GLIPR1L2: variants seen among roughly 807,000 people sequenced by gnomAD.
GLIPR1L2 encodes the protein GLIPR1-like protein 2.
GLIPR1L2 carries 21 observed loss-of-function variants against 28.4 expected under a neutral mutation model. That is an observed-to-expected ratio of 0.74 (90% CI 0.52 to 1.06). The LOEUF is 1.06. Among genes scored for constraint, GLIPR1L2 ranks in the 50% least tolerant of loss-of-function variants. The pLI, the probability that GLIPR1L2 is intolerant of heterozygous loss-of-function variation, is 0.00. For synonymous variants in GLIPR1L2, 145 were observed against 139.3 expected, an observed-to-expected ratio of 1.04 and a Z score of -0.29; for missense variants, 476 against 416.9, an observed-to-expected ratio of 1.14 and a Z score of -1.23.
chr12:75,410,714 C>T, intron 2 of GLIPR1L2, 35 bp downstream of exon 2: 2 of 1,440,324 alleles, frequency 1.4e-6, no homozygotes, highest in Non-Finnish European at 1.9e-6. Flanking sequence ...AATTCAAACA[C>T]TTCTTAATTG....
chr12:75,427,803 C>T (rs968498415), intron 4 of GLIPR1L2, among the ~76,000 whole-genome samples: 5 of 152,094 alleles, frequency 3.3e-5, no homozygotes, highest in African/African-American at 1.2e-4. Flanking sequence ...TTGGCAGTTG[C>T]CCCCTGCCTC....
intron 4 of GLIPR1L2, chr12:75,423,888 G>A (rs2046006177): frequency 6.6e-6 from 1 of 152,226 alleles, no homozygotes; most frequent in African/African-American, 2.4e-5. Context: ...CCCTGAAAAG[G>A]AAATGAACTC....
intron 4 of GLIPR1L2, among the ~76,000 whole-genome samples, chr12:75,427,043 AT>A (rs947318544): frequency 3.9e-5 from 6 of 152,226 alleles, no homozygotes; most frequent in African/African-American, 7.2e-5. Context: ...ACAAAAAAAA[AT>A]ACAAGAAATA....
intron 4 of GLIPR1L2, among the ~76,000 whole-genome samples, chr12:75,425,893 G>A (rs1298967416): frequency 6.6e-6 from 1 of 152,064 alleles, no homozygotes; most frequent in African/African-American, 2.4e-5. Context: ...TCTTATGGTG[G>A]TGAATTGGAA....
Position 75,429,155 on chromosome 12 carries a change from T to A in GLIPR1L2, c.671-1560T>A, listed in dbSNP as rs537289730. ...ACTATGTGCCTGGAAAAGCCACAGG[T>A]ACTCAATGCCAGCCTGTGAAAGCAG... On this transcript the variant is annotated intron_variant, in intron 4 of 5. Coordinates refer to ENST00000550916, the MANE Select transcript of GLIPR1L2 (RefSeq NM_001270396.2). Among the ~76,000 whole-genome samples, 3 of 152,298 alleles carry A rather than the reference T, an allele frequency of 2.0e-5. No homozygotes were observed. The East Asian group carries it at 5.8e-4, about 29-fold the overall frequency.
At chr12:75,414,236 G>A (rs141285877) in intron 3 of GLIPR1L2, among the ~76,000 whole-genome samples, 99 of 152,102 alleles carry the variant, frequency 6.5e-4, no homozygotes, top group African/African-American at 2.3e-3. Flanking sequence ...ATACCTGGGT[G>A]CCTTCAAATG....
intron 2 of GLIPR1L2, among the ~76,000 whole-genome samples, chr12:75,411,114 A>G (rs1017878410): frequency 6.6e-6 from 1 of 151,906 alleles, no homozygotes; most frequent in Non-Finnish European, 1.5e-5. Flanking sequence ...CTCTGGTTCA[A>G]TAATCCACCC....
At position 75,414,412 on chromosome 12, in the gene GLIPR1L2, C is replaced by T. The variant is rs367867079; in HGVS notation, c.584+711C>T. Among the ~76,000 whole-genome samples the T allele has an allele frequency of 2.4e-4, 36 of 152,136 alleles. No individual in the cohort carries two copies. In the East Asian group the frequency reaches 2.7e-3, roughly 11 times the overall value. Reference sequence around the variant, plus strand: ...ATCTTAAATAAACAGTAAGAATTGACTGCCTACCAAGATTGAGAAGGAATT... The same window carrying T: ...ATCTTAAATAAACAGTAAGAATTGATTGCCTACCAAGATTGAGAAGGAATT... On this transcript the variant is annotated intron_variant, in intron 3 of 5. Transcript: ENST00000550916.
At chr12:75,412,226 T>C (rs2045875188) in intron 2 of GLIPR1L2, among the ~76,000 whole-genome samples, 1 of 152,006 alleles carries the variant, frequency 6.6e-6, no homozygotes, top group Non-Finnish European at 1.5e-5. Flanking sequence ...ACCTAGAACT[T>C]TCCAATTCAA....
chr12:75,420,177 T>A (rs925298460), intron 3 of GLIPR1L2, among the ~76,000 whole-genome samples: 1 of 152,210 alleles, frequency 6.6e-6, no homozygotes, highest in African/African-American at 2.4e-5. Flanking sequence ...GTTCTGTGAA[T>A]AATGTACAGA....
rs993412164 is a variant in GLIPR1L2, at chr12:75,432,345, G to C, written c.*1184G>C. The C allele has an allele frequency of 1.3e-5, 2 of 152,050 alleles. No individual in the cohort carries two copies. The highest frequency in any genetic ancestry group is 4.8e-5 in the African/African-American group (2 of 41,416). The allele number at this position is 152,050 out of a possible 1,614,324, so 9.4% of individuals were successfully genotyped here. A position where few individuals can be genotyped will look rare whatever the true frequency, so the allele number is the denominator to read the frequency against. On this transcript the variant is annotated 3_prime_UTR_variant, in exon 6 of 6. Coordinates refer to ENST00000550916, the MANE Select transcript of GLIPR1L2 (RefSeq NM_001270396.2). Reference sequence around the variant, plus strand: ...TAATTCTATTTATGACAGGGACTTAGGGAACTTATTCTAATTGAGAATCAG... The same window carrying C: ...TAATTCTATTTATGACAGGGACTTACGGAACTTATTCTAATTGAGAATCAG...
intron 5 of GLIPR1L2, 27 bp downstream of exon 5, chr12:75,430,768 G>A: frequency 6.5e-7 from 1 of 1,534,114 alleles, no homozygotes; most frequent in Non-Finnish European, 8.7e-7. Flanking sequence ...TTTATTTCTT[G>A]AACAATTGAA....
intron 1 of GLIPR1L2, 151 bp downstream of exon 1, chr12:75,391,501 A>C (rs1016664939): frequency 1.3e-6 from 2 of 1,538,704 alleles, no homozygotes; most frequent in African/African-American, 2.7e-5. Flanking sequence ...TGAAGTTTAC[A>C]CAGAGAAAAA....
chr12:75,424,988 C>A (rs1167456504), intron 4 of GLIPR1L2, among the ~76,000 whole-genome samples: 1 of 152,006 alleles, frequency 6.6e-6, no homozygotes, highest in Non-Finnish European at 1.5e-5. Flanking sequence ...AAAGGATCCA[C>A]ACGAGATGCA....
chr12:75,431,210 G>C lies in GLIPR1L2; in HGVS notation c.*49G>C. 1.9e-6 allele frequency: 1 copy of C among 536,590 alleles called. No individual in the cohort carries two copies. Among genetic ancestry groups the C allele is most frequent in the South Asian group, 2.7e-5 (1 of 37,110 alleles). 33.2% of individuals were successfully genotyped at this position (536,590 alleles called of 1,614,324 possible). On this transcript the variant is annotated 3_prime_UTR_variant, in exon 6 of 6. Transcript: ENST00000550916. ...TGTATCACCAATATAAACCAAAAGTGTAATACAAAAAAAGACAGAAAAAAA... is the reference window on the plus strand; with the variant it reads ...TGTATCACCAATATAAACCAAAAGTCTAATACAAAAAAAGACAGAAAAAAA...
chr12:75,397,557 T>G (rs2139919324), intron 1 of GLIPR1L2, among the ~76,000 whole-genome samples: 1 of 152,324 alleles, frequency 6.6e-6, no homozygotes, highest in East Asian at 1.9e-4. Flanking sequence ...TTTTATTAGC[T>G]TTTGCCTTAC....
At chr12:75,420,733 T>G (rs1389858155) in intron 3 of GLIPR1L2, among the ~76,000 whole-genome samples, 1 of 152,194 alleles carries the variant, frequency 6.6e-6, no homozygotes, top group East Asian at 1.9e-4. Context: ...TGTTGTGGAT[T>G]CAGACTCAAG....
intron 1 of GLIPR1L2, 195 bp downstream of exon 1, chr12:75,391,545 A>G: frequency 6.6e-7 from 1 of 1,522,340 alleles, no homozygotes; most frequent in Non-Finnish European, 8.8e-7. Flanking sequence ...TATTACCATG[A>G]TATTACACAG....
intron 4 of GLIPR1L2, among the ~76,000 whole-genome samples, chr12:75,424,800 C>T (rs928352545): frequency 2.0e-5 from 3 of 152,094 alleles, no homozygotes; most frequent in Admixed American, 6.6e-5. Flanking sequence ...TGAATCCACC[C>T]TAACATTTCT....
Sources: gnomAD v4.1 joint callset for allele counts (sites outside exome capture counted in the v4.1 genomes callset) on GRCh38, gnomAD v4.1.1 for gene constraint, MANE v1.5 for transcripts, NCBI Gene and HGNC (gene_info 2026-07-23, HGNC 2026-07-21) for gene names.